Variants in AGMO observed in about 807,000 individuals in gnomAD.
AGMO encodes alkylglycerol monooxygenase, also known as glyceryl-ether monooxygenase.
In AGMO, 75 loss-of-function variants were observed where a neutral mutation model predicts 60.2. The observed-to-expected ratio is 1.25, with a 90% CI of 1.03 to 1.51. The LOEUF is 1.51. Ranked by LOEUF, AGMO falls within the 40% of genes most tolerant of loss-of-function variation. The probability of loss-of-function intolerance (pLI) is 0.00; values close to 1 mark genes in which losing one functional copy is unlikely to be tolerated. For synonymous variants in AGMO, 261 were observed against 177.1 expected, an observed-to-expected ratio of 1.47 and a Z score of -3.76; for missense variants, 763 against 525.5, an observed-to-expected ratio of 1.45 and a Z score of -4.42.
chr7:15,459,454 C>T (rs1415824537), intron 3 of AGMO, among the ~76,000 whole-genome samples: 4 of 152,106 alleles, frequency 2.6e-5, no homozygotes, highest in Non-Finnish European at 4.4e-5. Context: ...GTTCCGAATG[C>T]TCTCATTTCC....
chr7:15,353,193 G>A (rs900417035), intron 12 of AGMO, among the ~76,000 whole-genome samples: 1 of 152,084 alleles, frequency 6.6e-6, no homozygotes, highest in Non-Finnish European at 1.5e-5. Flanking sequence ...GCTGCTGCTC[G>A]TAATTCACCA....
At chr7:15,470,506 T>C (rs1375106840) in intron 3 of AGMO, among the ~76,000 whole-genome samples, 1 of 151,958 alleles carries the variant, frequency 6.6e-6, no homozygotes, top group Non-Finnish European at 1.5e-5. Flanking sequence ...ATAATTAGAA[T>C]CTTAATAAAT....
intron 3 of AGMO, among the ~76,000 whole-genome samples, chr7:15,508,420 G>T (rs1283680263): frequency 6.6e-6 from 1 of 152,088 alleles, no homozygotes; most frequent in Admixed American, 6.6e-5. Flanking sequence ...TGGGTTGTTT[G>T]TTTTCATAAA....
chr7:15,264,371 A>G (rs1044999514), intron 12 of AGMO, among the ~76,000 whole-genome samples: 8 of 151,988 alleles, frequency 5.3e-5, no homozygotes, highest in African/African-American at 1.9e-4. Context: ...AAAGTAATGG[A>G]CAACCCTAGA....
intron 8 of AGMO, among the ~76,000 whole-genome samples, chr7:15,388,574 A>G (rs1271840131): frequency 6.6e-6 from 1 of 152,216 alleles, no homozygotes; most frequent in Non-Finnish European, 1.5e-5. Flanking sequence ...GTTTTAAAAT[A>G]AAATATTGTT....
rs552805008 is a variant in AGMO, at chr7:15,281,813, T to A, written c.1264-80454A>T. Reference sequence around the variant, plus strand: ...AGGGGAAAATAGATTTTTAAATAAGTGTACACCACAAGAGAATGAGATAAG... The same window carrying A: ...AGGGGAAAATAGATTTTTAAATAAGAGTACACCACAAGAGAATGAGATAAG... On this transcript the variant is annotated intron_variant, in intron 12 of 12. Transcript: ENST00000342526. 2.0e-5 allele frequency among the ~76,000 whole-genome samples: 3 copies of A among 152,230 alleles called. No individual in the cohort carries two copies. In the South Asian group the frequency reaches 6.2e-4, roughly 32 times the overall value.
intron 3 of AGMO, among the ~76,000 whole-genome samples, chr7:15,498,150 G>A (rs941533232): frequency 1.3e-5 from 2 of 152,006 alleles, no homozygotes; most frequent in Admixed American, 1.3e-4. Flanking sequence ...ATGTTATGCG[G>A]GAAAAACACC....
At chr7:15,345,076 C>A (rs897427861) in intron 12 of AGMO, among the ~76,000 whole-genome samples, 44 of 152,070 alleles carry the variant, frequency 2.9e-4, no homozygotes, top group African/African-American at 1.0e-3. Context: ...TGTATTATAC[C>A]TACCTCCACC....
At position 15,247,459 on chromosome 7, in the gene AGMO, C is replaced by CACACAG. The variant is rs139642069; in HGVS notation, c.1264-46101_1264-46100insCTGTGT. Among the ~76,000 whole-genome samples, 5 of 115,284 alleles carry CACACAG rather than the reference C, an allele frequency of 4.3e-5. No homozygotes were observed. The East Asian group carries it at 7.7e-4, about 18-fold the overall frequency. The allele number at this position is 115,284 out of a possible 152,430, so 75.6% of individuals were successfully genotyped here. A position where few individuals can be genotyped will look rare whatever the true frequency, so the allele number is the denominator to read the frequency against. On this transcript the variant is annotated intron_variant, in intron 12 of 12. Transcript: ENST00000342526. ...ACACACACACACACACACACACACA[C>CACACAG]AGAGAGAGAGAGAGAGAGAGGGAGA...
intron 12 of AGMO, among the ~76,000 whole-genome samples, chr7:15,203,391 C>A (rs1781355767): frequency 6.6e-6 from 1 of 152,172 alleles, no homozygotes; most frequent in South Asian, 2.1e-4. Context: ...GGACCTACCT[C>A]TAAGTAAATC....
At chr7:15,136,172 T>C in the AGMO span, among the ~76,000 whole-genome samples, 2 of 152,042 alleles carry the variant, frequency 1.3e-5, no homozygotes, top group South Asian at 2.1e-4. Flanking sequence ...TTAGTATTTT[T>C]AGTAGAGACA....
At chr7:15,354,428 ACGTGTGTG>A (rs371256557) in intron 12 of AGMO, among the ~76,000 whole-genome samples, 1 of 23,296 alleles carries the variant, frequency 4.3e-5, no homozygotes, top group African/African-American at 4.2e-4. Flanking sequence ...GTATACACAC[ACGTGTGTG>A]TATACACACG....
At chr7:15,492,446 T>G (rs75256227) in intron 3 of AGMO, among the ~76,000 whole-genome samples, 2,381 of 151,896 alleles carry the variant, frequency 0.016, 58 homozygotes, top group African/African-American at 0.054. Context: ...ATAAGTCCTA[T>G]GGAGACCAGA....
chr7:15,369,580 C>A (rs561979555), intron 10 of AGMO, among the ~76,000 whole-genome samples: 2 of 152,170 alleles, frequency 1.3e-5, no homozygotes, highest in Non-Finnish European at 2.9e-5. Flanking sequence ...AATACATGTC[C>A]TTGTCCCTCC....
At chr7:15,198,188 G>A (rs116778178), downstream of AGMO, among the ~76,000 whole-genome samples, 1,598 of 132,790 alleles carry the variant, frequency 0.012, 47 homozygotes, top group African/African-American at 0.043. Context: ...CTATTTTTAG[G>A]GCTTTCCCGA....
chr7:15,427,307 T>C (rs1156504893), intron 4 of AGMO, among the ~76,000 whole-genome samples: 2 of 152,210 alleles, frequency 1.3e-5, no homozygotes, highest in East Asian at 3.9e-4. Context: ...AATAGTTTAA[T>C]ATCTTCAGAA....
At chr7:15,347,038 T>C (rs1390405362) in intron 12 of AGMO, among the ~76,000 whole-genome samples, 1 of 152,072 alleles carries the variant, frequency 6.6e-6, no homozygotes, top group Non-Finnish European at 1.5e-5. Flanking sequence ...TGAATATAAG[T>C]AGGTACTACA....
At chr7:15,193,276 T>G in the AGMO span, among the ~76,000 whole-genome samples, 2 of 152,202 alleles carry the variant, frequency 1.3e-5, no homozygotes, top group African/African-American at 4.8e-5. Flanking sequence ...AGTGATATAA[T>G]TAACTCCAAC....
At chr7:15,381,104 A>C (rs1783666899) in intron 10 of AGMO, among the ~76,000 whole-genome samples, 1 of 152,160 alleles carries the variant, frequency 6.6e-6, no homozygotes, top group African/African-American at 2.4e-5. Context: ...AATACCATTC[A>C]GGACACAGAC....
Sources: gnomAD v4.1 joint callset for allele counts (sites outside exome capture counted in the v4.1 genomes callset) on GRCh38, gnomAD v4.1.1 for gene constraint, MANE v1.5 for transcripts, NCBI Gene and HGNC (gene_info 2026-07-23, HGNC 2026-07-21) for gene names.